The following TRIP11 variants were observed in gnomAD, a reference collection of about 807,000 sequenced individuals.
TRIP11 encodes the protein thyroid hormone receptor interactor 11, also known as thyroid receptor-interacting protein 11.
Under a neutral mutation model 223.1 loss-of-function variants are expected in TRIP11, and 148 were observed. That is an observed-to-expected ratio of 0.66 (90% CI 0.58 to 0.76). The LOEUF is 0.76. Among genes scored for constraint, TRIP11 ranks in the 30% least tolerant of loss-of-function variants. The pLI, the probability that TRIP11 is intolerant of heterozygous loss-of-function variation, is 0.00. For missense variants in TRIP11, 2,043 were observed against 2,222.0 expected (o/e 0.92, Z 1.62); for synonymous variants, 762 against 772.6 (o/e 0.99, Z 0.23).
At chr14:91,974,877 G>A in intron 18 of TRIP11, 134 bp from the exon 19 acceptor site, 1 of 769,634 alleles carries the variant, frequency 1.3e-6, no homozygotes, top group Non-Finnish European at 2.2e-6. Context: ...GTTTCCTACT[G>A]ATAGAGTCTA....
At position 92,004,595 on chromosome 14, in the gene TRIP11, A is replaced by G. The variant is rs770806028; in HGVS notation, c.3381T>C (p.Ala1127=). 1.9e-5 allele frequency: 31 copies of G among 1,613,966 alleles called. No homozygotes were observed. The East Asian group carries it at 6.7e-4, about 35-fold the overall frequency. The part of the protein sequence containing the change: ...TEYHKMMDIV[A]AKEAALIKLQ... ...GTTTGATAAGAGCTGCTTCCTTGGC[A>G]GCAACAATATCCATCATTTTGTGAT... Residue 1127 remains alanine, a synonymous_variant, in exon 11 of 21, where the codon GCT becomes GCC. Coordinates refer to ENST00000267622, the MANE Select transcript of TRIP11 (RefSeq NM_004239.4).
In TRIP11 at chr14:91,974,601, T is replaced by C. The variant is rs201310285; in HGVS notation, c.5574+26A>G. 1.7e-3 allele frequency: 2,681 copies of C among 1,539,772 alleles called. 6 individuals carry two copies. The highest frequency in any genetic ancestry group is 2.2e-3 in the Non-Finnish European group (2,412 of 1,114,180). The stretch of plus-strand genomic sequence containing the variant: ...TATACAGTCATTTTACTATTCACCT[T>C]AAGCAAGAATAAAATTGTTTCTTAC... On this transcript the variant is annotated intron_variant, in intron 19 of 20. Coordinates refer to ENST00000267622, the MANE Select transcript of TRIP11 (RefSeq NM_004239.4).
intron 16 of TRIP11, among the ~76,000 whole-genome samples, chr14:91,977,499 G>T (rs770431142): frequency 6.1e-4 from 90 of 148,112 alleles, no homozygotes; most frequent in Non-Finnish European, 1.1e-3. Context: ...ATATGGTGAA[G>T]AAACTATTCT....
At chr14:92,020,713 A>G (rs1343979685) in intron 4 of TRIP11, among the ~76,000 whole-genome samples, 1 of 151,914 alleles carries the variant, frequency 6.6e-6, no homozygotes, top group Non-Finnish European at 1.5e-5. Context: ...TTTTCCAAAT[A>G]GTGTACAGAA....
chr14:91,999,962 G>T lies in TRIP11; in HGVS notation c.4698+6C>A. 1 of 1,613,816 alleles carries T rather than the reference G, an allele frequency of 6.2e-7. No individual in the cohort carries two copies. The highest frequency in any genetic ancestry group is 8.5e-7 in the Non-Finnish European group (1 of 1,179,844). ...GATTCATAATTCTTTTAAAGTGAAA[G>T]TATACCTCATTCTGTAGGGCAGTAT... is the stretch of plus-strand genomic sequence containing the variant. On this transcript the variant is annotated splice_donor_region_variant and intron_variant, in intron 12 of 20. Transcript: ENST00000267622.
At chr14:91,970,588 C>T (rs2056389742) in intron 20 of TRIP11, among the ~76,000 whole-genome samples, 1 of 152,062 alleles carries the variant, frequency 6.6e-6, no homozygotes, top group African/African-American at 2.4e-5. Flanking sequence ...CCAGATTTGG[C>T]CCCCAAGTAA....
At chr14:91,997,852 T>C (rs1224766758) in intron 13 of TRIP11, among the ~76,000 whole-genome samples, 6 of 152,030 alleles carry the variant, frequency 3.9e-5, no homozygotes, top group African/African-American at 1.4e-4. Flanking sequence ...AAAGTTATTA[T>C]GAAAAATAAA....
chr14:91,967,697 T>C lies in TRIP11; in HGVS notation c.*1976A>G, dbSNP rs1273080997. ...TTTCAAATTAAAAGAGAAAACTTTT[T>C]ACATATTCTATTTCTTAAAAATAAA... On this transcript the variant is annotated 3_prime_UTR_variant, in exon 21 of 21. Coordinates refer to ENST00000267622, the MANE Select transcript of TRIP11 (RefSeq NM_004239.4). The C allele has an allele frequency of 5.2e-6, 1 of 193,534 alleles. No individual in the cohort carries two copies. The highest frequency in any genetic ancestry group is 2.3e-5 in the African/African-American group (1 of 43,112). The allele number at this position is 193,534 out of a possible 1,614,324, so 12.0% of individuals were successfully genotyped here. A position where few individuals can be genotyped will look rare whatever the true frequency, so the allele number is the denominator to read the frequency against.
Position 92,014,250 on chromosome 14 carries a change from A to G in TRIP11, c.1151T>C (p.Val384Ala). The change falls in exon 7 of 21, where the codon GTG (valine) becomes GCG (alanine). Residue 384 changes from valine (V) to alanine (A), a missense_variant. By Grantham distance (64) the Val-to-Ala change is moderately conservative. Transcript: ENST00000267622. The part of the protein sequence containing the change: ...KERILAQSAS[V>A]EEVFRLQQAL... Reference sequence around the variant, plus strand: ...TTGTTGTAGTCTGAACACTTCTTCCACTGATGCACTCTGGGCAAGAATTCT... The same window carrying G: ...TTGTTGTAGTCTGAACACTTCTTCCGCTGATGCACTCTGGGCAAGAATTCT... 3 of 1,614,044 alleles carry G rather than the reference A, an allele frequency of 1.9e-6. No homozygotes were observed. Among genetic ancestry groups the G allele is most frequent in the Non-Finnish European group, 2.5e-6 (3 of 1,179,990 alleles).
At chr14:91,972,220 C>A (rs1288455176) in intron 20 of TRIP11, among the ~76,000 whole-genome samples, 3 of 152,190 alleles carry the variant, frequency 2.0e-5, no homozygotes, top group African/African-American at 7.2e-5. Context: ...CTTGGAGTCT[C>A]AAGTCAGTTT....
Position 91,995,168 on chromosome 14 carries a change from A to G in TRIP11, c.5056+184T>C, listed in dbSNP as rs538971181. ...TTTTAATAATTACTAAATAAAGTTTATTTTCTCGTCTTAATTGTAAAAGGA... is the reference window on the plus strand; with the variant it reads ...TTTTAATAATTACTAAATAAAGTTTGTTTTCTCGTCTTAATTGTAAAAGGA... On this transcript the variant is annotated intron_variant, in intron 14 of 20. Transcript: ENST00000267622. Among the ~76,000 whole-genome samples the G allele has an allele frequency of 2.0e-5, 3 of 152,290 alleles. No individual in the cohort carries two copies. The South Asian group carries it at 6.2e-4, about 32-fold the overall frequency.
intron 16 of TRIP11, among the ~76,000 whole-genome samples, chr14:91,981,010 A>ATTTTTTTTT (rs1444189118): frequency 1.8e-4 from 10 of 55,836 alleles, no homozygotes; most frequent in African/African-American, 4.7e-4. Context: ...ATATATATAT[A>ATTTTTTTTT]TATTTTTTTT....
chr14:92,015,355 TAA>T (rs2057022737), intron 6 of TRIP11, among the ~76,000 whole-genome samples: 1 of 152,148 alleles, frequency 6.6e-6, no homozygotes, highest in African/African-American at 2.4e-5. Flanking sequence ...TCTAATATGT[TAA>T]ATTAATAAAA....
rs1566868499 is a variant in TRIP11 at position 92,018,976 on chromosome 14, AAAC to A, written c.589-1229_589-1227del. Among the ~76,000 whole-genome samples, 19 of 150,678 alleles carry A rather than the reference AAAC, an allele frequency of 1.3e-4. 1 individual carries two copies. Among genetic ancestry groups the A allele is most frequent in the Non-Finnish European group, 1.9e-4 (13 of 67,628 alleles). ...ACTCCATCTCAAAAAAAAAAAAAAA[AAAC>A]AAAAAAAAAACTTTCAGTTTCCTTA... On this transcript the variant is annotated intron_variant, in intron 4 of 20. Transcript: ENST00000267622.
chr14:91,973,157 C>A (rs2056421311), intron 19 of TRIP11, among the ~76,000 whole-genome samples: 1 of 151,882 alleles, frequency 6.6e-6, no homozygotes, highest in South Asian at 2.1e-4. Flanking sequence ...ATCTAAGTAG[C>A]TAGGATTACA....
intron 16 of TRIP11, among the ~76,000 whole-genome samples, chr14:91,980,248 A>C (rs2056520598): frequency 6.6e-6 from 1 of 152,222 alleles, no homozygotes; most frequent in Non-Finnish European, 1.5e-5. Context: ...AGTACACTAC[A>C]ATGCTGCCTT....
chr14:91,976,056 C>T, intron 17 of TRIP11, 52 bp downstream of exon 17: 4 of 1,545,644 alleles, frequency 2.6e-6, no homozygotes, highest in Non-Finnish European at 3.5e-6. Flanking sequence ...TTTTTTTTAA[C>T]CATAAAAGTG....
intron 16 of TRIP11, among the ~76,000 whole-genome samples, chr14:91,979,431 T>A (rs1457017350): frequency 6.6e-6 from 1 of 152,110 alleles, no homozygotes. Flanking sequence ...GAAGTCCAAA[T>A]CAAAAATACT....
intron 19 of TRIP11, among the ~76,000 whole-genome samples, chr14:91,973,518 A>C (rs1283043561): frequency 6.6e-6 from 1 of 152,232 alleles, no homozygotes; most frequent in Non-Finnish European, 1.5e-5. Context: ...AAACATAAAA[A>C]ATTATATGAA....
Sources: gnomAD v4.1 joint callset for allele counts (sites outside exome capture counted in the v4.1 genomes callset) on GRCh38, gnomAD v4.1.1 for gene constraint, MANE v1.5 for transcripts, NCBI Gene and HGNC (gene_info 2026-07-23, HGNC 2026-07-21) for gene names.